The following LRRTM4 variants were observed in gnomAD, a reference collection of about 807,000 sequenced individuals.
LRRTM4 encodes leucine-rich repeat transmembrane neuronal protein 4.
In LRRTM4, 25 loss-of-function variants were observed where a neutral mutation model predicts 47.6. The observed-to-expected ratio is 0.53, with a 90% CI of 0.38 to 0.73. The LOEUF is 0.73. Ranked by LOEUF, LRRTM4 falls within the 30% of genes least tolerant of loss-of-function variation. The pLI, the probability that LRRTM4 is intolerant of heterozygous loss-of-function variation, is 0.00. For synonymous variants in LRRTM4, 311 were observed against 269.5 expected (o/e 1.15, Z -1.51); for missense variants, 638 against 713.4 (o/e 0.89, Z 1.20).
chr2:77,488,925 A>G (rs1397164147), intron 3 of LRRTM4, among the ~76,000 whole-genome samples: 1 of 151,748 alleles, frequency 6.6e-6, no homozygotes, highest in Non-Finnish European at 1.5e-5. Flanking sequence ...CATGCAGCAC[A>G]CCAGCATGGC....
Position 77,487,761 on chromosome 2 carries a change from C to A in LRRTM4, c.1551+30557G>T, listed in dbSNP as rs114650029. Among the ~76,000 whole-genome samples the A allele has an allele frequency of 4.5e-3, 691 of 152,222 alleles. 8 individuals are homozygous for A. Among genetic ancestry groups the A allele is most frequent in the African/African-American group, 0.016 (660 of 41,542 alleles). ...GGAGTGAGAACTTATGGTGCTTTTTCCAGGCCCACCTATGGCCACCCATGG... is the reference window on the plus strand; with the variant it reads ...GGAGTGAGAACTTATGGTGCTTTTTACAGGCCCACCTATGGCCACCCATGG... On this transcript the variant is annotated intron_variant, in intron 3 of 3. Coordinates refer to ENST00000409884, the MANE Select transcript of LRRTM4 (RefSeq NM_001134745.3).
chr2:77,457,004 G>GTATATATATATATA (rs1171771344), intron 3 of LRRTM4, among the ~76,000 whole-genome samples: 9 of 23,160 alleles, frequency 3.9e-4, no homozygotes, highest in South Asian at 2.1e-3. Flanking sequence ...GTGTGTGTGT[G>GTATATATATATATA]TATATATATA....
At chr2:76,812,201 C>G (rs1670754332) in intron 3 of LRRTM4, among the ~76,000 whole-genome samples, 4 of 152,110 alleles carry the variant, frequency 2.6e-5, no homozygotes, top group Admixed American at 1.3e-4. Flanking sequence ...TGCATGCTTC[C>G]TCCTACCCCA....
At chr2:77,339,123 T>TA (rs200513594) in intron 3 of LRRTM4, among the ~76,000 whole-genome samples, 2,447 of 150,838 alleles carry the variant, frequency 0.016, 63 homozygotes, top group African/African-American at 0.054. Flanking sequence ...GAACAAGGGT[T>TA]AAAAAAAAAC....
intron 3 of LRRTM4, among the ~76,000 whole-genome samples, chr2:76,979,707 T>TAGATAGATAGAC (rs1553439624): frequency 1.0e-3 from 153 of 151,350 alleles, no homozygotes; most frequent in African/African-American, 3.5e-3. Context: ...GATAGATAGA[T>TAGATAGATAGAC]AGATAGATAG....
chr2:77,221,961 G>A (rs555463992), intron 3 of LRRTM4, among the ~76,000 whole-genome samples: 2 of 152,010 alleles, frequency 1.3e-5, no homozygotes, highest in Non-Finnish European at 2.9e-5. Flanking sequence ...TGGAAGTAAG[G>A]CACTCCTCAG....
intron 3 of LRRTM4, among the ~76,000 whole-genome samples, chr2:77,159,540 A>G (rs779686329): frequency 6.6e-6 from 1 of 151,818 alleles, no homozygotes; most frequent in African/African-American, 2.4e-5. Flanking sequence ...AAAAAAAGAA[A>G]AAAAAAGGAA....
intron 3 of LRRTM4, among the ~76,000 whole-genome samples, chr2:77,467,651 T>C (rs1047670315): frequency 2.0e-5 from 3 of 152,178 alleles, no homozygotes; most frequent in Non-Finnish European, 4.4e-5. Flanking sequence ...CACAGCAGTT[T>C]ATTAGTTAGA....
At chr2:76,929,924 T>TG (rs1674713949) in intron 3 of LRRTM4, among the ~76,000 whole-genome samples, 3 of 81,740 alleles carry the variant, frequency 3.7e-5, no homozygotes, top group African/African-American at 1.5e-4. Context: ...GCAATTAGAG[T>TG]TTGTGTGTGT....
At chr2:76,865,009 T>C (rs1373897013) in intron 3 of LRRTM4, among the ~76,000 whole-genome samples, 2 of 152,030 alleles carry the variant, frequency 1.3e-5, no homozygotes, top group Non-Finnish European at 2.9e-5. Flanking sequence ...TCTTGATTCT[T>C]ACTTAATTAT....
At chr2:76,757,094 T>C (rs1407538618) in intron 3 of LRRTM4, among the ~76,000 whole-genome samples, 2 of 152,164 alleles carry the variant, frequency 1.3e-5, no homozygotes, top group Admixed American at 6.5e-5. Context: ...TGATGCCTCA[T>C]TTCCATTTCT....
chr2:76,804,469 T>A (rs1251486817), intron 3 of LRRTM4, among the ~76,000 whole-genome samples: 1 of 151,942 alleles, frequency 6.6e-6, no homozygotes, highest in Non-Finnish European at 1.5e-5. Context: ...ATAAATAAGT[T>A]ATGACACATC....
chr2:77,486,885 T>C (rs1677933970), intron 3 of LRRTM4, among the ~76,000 whole-genome samples: 1 of 152,236 alleles, frequency 6.6e-6, no homozygotes, highest in Admixed American at 6.5e-5. Flanking sequence ...AGAAATGTTT[T>C]CTTCTCGTTT....
chr2:77,110,478 A>T lies in LRRTM4; in HGVS notation c.1552-361562T>A, dbSNP rs531740499. Among the ~76,000 whole-genome samples, 4 of 152,328 alleles carry T rather than the reference A, an allele frequency of 2.6e-5. No individual in the cohort carries two copies. In the South Asian group the frequency reaches 8.3e-4, roughly 32 times the overall value. On this transcript the variant is annotated intron_variant, in intron 3 of 3. Coordinates refer to ENST00000409884, the MANE Select transcript of LRRTM4 (RefSeq NM_001134745.3). ...AATGGAAGTTGAAATTTATGCAAACATAATTTGGGTATTATACATTAACAC... is the reference window on the plus strand; with the variant it reads ...AATGGAAGTTGAAATTTATGCAAACTTAATTTGGGTATTATACATTAACAC...
At chr2:77,237,927 G>A (rs1365188918) in intron 3 of LRRTM4, among the ~76,000 whole-genome samples, 1 of 152,018 alleles carries the variant, frequency 6.6e-6, no homozygotes, top group Middle Eastern at 3.2e-3. Context: ...CTGGATCCAG[G>A]TTCTTTATAT....
intron 3 of LRRTM4, among the ~76,000 whole-genome samples, chr2:76,831,650 A>C (rs1671354871): frequency 6.6e-6 from 1 of 152,128 alleles, no homozygotes; most frequent in Non-Finnish European, 1.5e-5. Context: ...TCCATAAACT[A>C]AATTGAAACC....
At chr2:76,942,676 C>CTGTGTG (rs61077287) in intron 3 of LRRTM4, among the ~76,000 whole-genome samples, 14,265 of 148,166 alleles carry the variant, frequency 0.096, 845 homozygotes, top group Admixed American at 0.17. Context: ...CTCTAGGAAT[C>CTGTGTG]TGTGTGTGTG....
chr2:77,516,617 AT>A, intron 3 of LRRTM4: 1 of 982,986 alleles, frequency 1.0e-6, no homozygotes, highest in Non-Finnish European at 1.2e-6. Flanking sequence ...ACTCAAGTAT[AT>A]TGTATAATTG....
At chr2:77,317,101 GC>G (rs1311598219) in intron 3 of LRRTM4, among the ~76,000 whole-genome samples, 2 of 152,064 alleles carry the variant, frequency 1.3e-5, no homozygotes, top group Non-Finnish European at 2.9e-5. Context: ...ACATTTAAGA[GC>G]CTTTTACAGT....
Sources: gnomAD v4.1 joint callset for allele counts (sites outside exome capture counted in the v4.1 genomes callset) on GRCh38, gnomAD v4.1.1 for gene constraint, MANE v1.5 for transcripts, NCBI Gene and HGNC (gene_info 2026-07-23, HGNC 2026-07-21) for gene names.